The following SPTA1 variants were observed in gnomAD, a reference collection of about 807,000 sequenced individuals.
SPTA1 encodes spectrin alpha chain, erythrocytic 1.
In SPTA1, 177 loss-of-function variants were observed where a neutral mutation model predicts 324.7. That is an observed-to-expected ratio of 0.55 (90% CI 0.48 to 0.62). The LOEUF is 0.62. Among genes scored for constraint, SPTA1 ranks in the 20% least tolerant of loss-of-function variants. The pLI, the probability that SPTA1 is intolerant of heterozygous loss-of-function variation, is 0.00. For synonymous variants in SPTA1, 1,195 were observed against 1,041.3 expected (o/e 1.15, Z -2.84); for missense variants, 3,162 against 2,883.6 (o/e 1.10, Z -2.21).
chr1:158,626,349 G>C lies in SPTA1; in HGVS notation c.5834-127C>G, dbSNP rs1433308701. 3 of 893,234 alleles carry C rather than the reference G, an allele frequency of 3.4e-6. No homozygotes were observed. In the Admixed American group the frequency reaches 6.0e-5, roughly 18 times the overall value. 55.3% of individuals were successfully genotyped at this position (893,234 alleles called of 1,614,324 possible). ...GACTCTCAAAGTTGATGATTAATTG[G>C]AATATGTGAGCAGTGGGACCAATGG... On this transcript the variant is annotated intron_variant, in intron 41 of 51. Coordinates refer to ENST00000643759, the MANE Select transcript of SPTA1 (RefSeq NM_003126.4).
rs34214405 is a variant in SPTA1 at position 158,645,502 on chromosome 1, C to A, written c.3989G>T (p.Arg1330Ile). 1.7e-3 allele frequency: 2,798 copies of A among 1,613,950 alleles called. 40 individuals carry two copies. In the African/African-American group the frequency reaches 0.032, roughly 19 times the overall value. ...TGACTTTTGTAGTTTTACCTGATGTCTCTCCAGCAAGATCTCTATGCCAGT... is the reference window on the plus strand; with the variant it reads ...TGACTTTTGTAGTTTTACCTGATGTATCTCCAGCAAGATCTCTATGCCAGT... ...DLTGIEILLE[R>I]HQEHRADMEA... Residue 1330 changes from arginine to isoleucine, a missense_variant, in exon 28 of 52, where the codon AGA becomes ATA. Coordinates refer to ENST00000643759, the MANE Select transcript of SPTA1 (RefSeq NM_003126.4).
Position 158,639,922 on chromosome 1 carries a change from C to A in SPTA1, c.4823G>T (p.Arg1608Leu). The A allele has an allele frequency of 1.9e-6, 3 of 1,613,916 alleles. No homozygotes were observed. The highest frequency in any genetic ancestry group is 2.5e-6 in the Non-Finnish European group (3 of 1,179,906). Residue 1608 changes from arginine (R) to leucine (L), a missense_variant, in exon 34 of 52, where the codon CGT (arginine) becomes CTT (leucine). Transcript: ENST00000643759. ...GATGCTTGTGTTGAACCTCTGTTGA[C>A]GACTGGCCTCATTGAGCTTCTTCCC... is the stretch of plus-strand genomic sequence containing the variant. ...DKGKKLNEAS[R>L]QQRFNTSIRD... is the part of the protein sequence containing the mutation.
chr1:158,621,846 C>T (rs2101764639), intron 43 of SPTA1, among the ~76,000 whole-genome samples: 1 of 152,214 alleles, frequency 6.6e-6, no homozygotes, highest in East Asian at 1.9e-4. Context: ...CTCAGTAATT[C>T]CACTGACCAT....
In SPTA1 at chr1:158,611,130, A is replaced by AGCAC; in HGVS notation, c.*130_*133dup. The AGCAC allele has an allele frequency of 6.8e-6, 6 of 879,170 alleles. No individual in the cohort carries two copies. The highest frequency in any genetic ancestry group is 1.6e-5 in the South Asian group (1 of 63,104). The allele number at this position is 879,170 out of a possible 1,614,324, so 54.5% of individuals were successfully genotyped here. On this transcript the variant is annotated 3_prime_UTR_variant, in exon 52 of 52. Coordinates refer to ENST00000643759, the MANE Select transcript of SPTA1 (RefSeq NM_003126.4). ...TAAATGTAATATGCACACAAACACA[A>AGCAC]GCACACACACACACACACACACACA...
intron 3 of SPTA1, among the ~76,000 whole-genome samples, chr1:158,682,836 A>G (rs920168610): frequency 6.6e-6 from 1 of 152,148 alleles, no homozygotes; most frequent in Non-Finnish European, 1.5e-5. Context: ...CTAGATGTTC[A>G]GAGAAAATTT....
At chr1:158,654,298 G>C (rs2101867953) in intron 21 of SPTA1, among the ~76,000 whole-genome samples, 1 of 152,214 alleles carries the variant, frequency 6.6e-6, no homozygotes, top group South Asian at 2.1e-4. Flanking sequence ...CAAAGAGGAA[G>C]AAAGAAAGAG....
chr1:158,648,667 G>A lies in SPTA1; in HGVS notation c.3570-14C>T. 1 of 1,613,092 alleles carries A rather than the reference G, an allele frequency of 6.2e-7. No individual in the cohort carries two copies. The highest frequency in any genetic ancestry group is 1.1e-5 in the South Asian group (1 of 91,062). On this transcript the variant is annotated splice_polypyrimidine_tract_variant and intron_variant, in intron 25 of 51. Coordinates refer to ENST00000643759, the MANE Select transcript of SPTA1 (RefSeq NM_003126.4). The stretch of plus-strand genomic sequence containing the variant: ...TCATCTGCTTCTCTGGTATACAAGA[G>A]AGTAGAGAGTTCAAAAGTAAGGATA...
intron 32 of SPTA1, 57 bp from the exon 33 acceptor site, chr1:158,642,599 A>G (rs1189821106): frequency 2.5e-6 from 4 of 1,607,342 alleles, no homozygotes; most frequent in African/African-American, 2.7e-5. Flanking sequence ...TGACAAGATA[A>G]GGTAAATTGT....
intron 33 of SPTA1, among the ~76,000 whole-genome samples, chr1:158,641,324 T>A (rs1441713200): frequency 6.6e-6 from 1 of 151,964 alleles, no homozygotes; most frequent in East Asian, 1.9e-4. Flanking sequence ...CTAATTAAAC[T>A]AAAGAGCTTC....
In SPTA1 at chr1:158,672,074, C is replaced by T; in HGVS notation, c.1473G>A (p.Trp491Ter). ...CTCCCGTTACCTCTTGTCTACTCAT[C>T]CAACTGTCCACTTGCTCACTGTCTC... is the stretch of plus-strand genomic sequence containing the variant. ...FYRDSEQVDS[W>*]MSRQEAFLEN... The change falls in exon 11 of 52, where the codon TGG becomes TGA. Residue 491 changes from tryptophan to a stop codon, truncating the protein, a stop_gained. Coordinates refer to ENST00000643759, the MANE Select transcript of SPTA1 (RefSeq NM_003126.4). LOFTEE classifies it high-confidence loss of function. 6.2e-7 allele frequency: 1 copy of T among 1,614,008 alleles called. No individual in the cohort carries two copies. Among genetic ancestry groups the T allele is most frequent in the Non-Finnish European group, 8.5e-7 (1 of 1,179,944 alleles).
intron 16 of SPTA1, among the ~76,000 whole-genome samples, chr1:158,664,873 G>A (rs1187281335): frequency 6.6e-6 from 1 of 152,154 alleles, no homozygotes; most frequent in Non-Finnish European, 1.5e-5. Context: ...GAGGGAGAGA[G>A]GATATCTGGC....
intron 14 of SPTA1, 150 bp from the exon 15 acceptor site, chr1:158,668,212 G>A: frequency 1.1e-6 from 1 of 917,138 alleles, no homozygotes; most frequent in Admixed American, 2.5e-5. Context: ...CAACGTTTGA[G>A]AAATTCATGC....
At position 158,677,791 on chromosome 1, in the gene SPTA1, C is replaced by G. The variant is rs781192315; in HGVS notation, c.856G>C (p.Val286Leu). ...TTGCCATAGTCCTCAGAGGTGAGTA[C>G]AGGTTCCTTCTCCTTGATCCACTGG... is the stretch of plus-strand genomic sequence containing the variant. ...AIQWIKEKEP[V>L]LTSEDYGKDL... The change falls in exon 7 of 52, where the codon GTA becomes CTA. Residue 286 changes from valine to leucine, a missense_variant. Coordinates refer to ENST00000643759, the MANE Select transcript of SPTA1 (RefSeq NM_003126.4). 2.7e-5 allele frequency: 43 copies of G among 1,613,556 alleles called. No individual in the cohort carries two copies. Among genetic ancestry groups the G allele is most frequent in the Non-Finnish European group, 3.5e-5 (41 of 1,179,742 alleles).
At chr1:158,616,961 A>G (rs888293728) in intron 47 of SPTA1, among the ~76,000 whole-genome samples, 5 of 152,118 alleles carry the variant, frequency 3.3e-5, no homozygotes, top group Non-Finnish European at 5.9e-5. Context: ...ACTACCTGAC[A>G]TCGTATTCTC....
Position 158,649,946 on chromosome 1 carries a change from T to C in SPTA1, c.3479A>G (p.Glu1160Gly). 6.2e-7 allele frequency: 1 copy of C among 1,611,540 alleles called. No individual in the cohort carries two copies. Among genetic ancestry groups the C allele is most frequent in the Non-Finnish European group, 8.5e-7 (1 of 1,178,480 alleles). ...LTPEGAQIRQ[E>G]LNSRWGSLQR... ...CAAAGAACCCCAGCGGGAATTCAAT[T>C]CCTAAAAGAGGCAAAAACATCAGAC... Residue 1160 changes from glutamate to glycine, a missense_variant and splice_region_variant, in exon 25 of 52, where the codon GAA becomes GGA. By Grantham distance (98) the Glu-to-Gly change is moderately conservative. Transcript: ENST00000643759.
chr1:158,656,106 T>A (rs1400851232), intron 20 of SPTA1, among the ~76,000 whole-genome samples: 1 of 152,210 alleles, frequency 6.6e-6, no homozygotes, highest in Non-Finnish European at 1.5e-5. Context: ...ACATCTATTA[T>A]ATGCACTTAC....
chr1:158,661,282 C>T lies in SPTA1; in HGVS notation c.2587+5G>A. ...TTTGTCCAACTGAATCTCAATCATA[C>T]ATACCTTCCTCTACCATTTTGTTTC... On this transcript the variant is annotated splice_donor_5th_base_variant and intron_variant, in intron 18 of 51. Transcript: ENST00000643759. The T allele has an allele frequency of 6.2e-7, 1 of 1,613,862 alleles. No individual in the cohort carries two copies. Among genetic ancestry groups the T allele is most frequent in the East Asian group, 2.2e-5 (1 of 44,846 alleles).
intron 51 of SPTA1, chr1:158,612,363 C>T (rs182720681): frequency 9.1e-6 from 2 of 220,082 alleles, no homozygotes; most frequent in East Asian, 1.2e-4. Context: ...AGAGAGATTA[C>T]TTCTGGTTGT....
intron 16 of SPTA1, among the ~76,000 whole-genome samples, chr1:158,665,427 G>A (rs1017416442): frequency 2.3e-5 from 2 of 86,100 alleles, no homozygotes; most frequent in Admixed American, 1.0e-4. Context: ...TCATGAAAGT[G>A]TATTTTTAAA....
Sources: gnomAD v4.1 joint callset for allele counts (sites outside exome capture counted in the v4.1 genomes callset) on GRCh38, gnomAD v4.1.1 for gene constraint, MANE v1.5 for transcripts, NCBI Gene and HGNC (gene_info 2026-07-23, HGNC 2026-07-21) for gene names.